KCNMA1: variants seen among roughly 807,000 people sequenced by gnomAD.
The protein encoded by KCNMA1 is Calcium-activated potassium channel subunit alpha-1.
KCNMA1 carries 29 observed loss-of-function variants against 140.0 expected under a neutral mutation model. The observed-to-expected ratio is 0.21, with a 90% CI of 0.15 to 0.28. The LOEUF is 0.28. Ranked by LOEUF, KCNMA1 falls within the 10% of genes least tolerant of loss-of-function variation. The probability of loss-of-function intolerance (pLI) is 1.00; values close to 1 mark genes in which losing one functional copy is unlikely to be tolerated. For synonymous variants in KCNMA1, 612 were observed against 611.9 expected, an observed-to-expected ratio of 1.00 and a Z score of 0.00; for missense variants, 880 against 1,602.2, an observed-to-expected ratio of 0.55 and a Z score of 7.70.
chr10:77,158,266 T>C (rs1564884215), intron 5 of KCNMA1, among the ~76,000 whole-genome samples: 1 of 152,196 alleles, frequency 6.6e-6, no homozygotes, highest in Non-Finnish European at 1.5e-5. Context: ...GACCTAGTCA[T>C]TGGCTCAAGA....
chr10:77,102,928 T>G (rs946883576), intron 9 of KCNMA1, among the ~76,000 whole-genome samples: 4 of 152,166 alleles, frequency 2.6e-5, no homozygotes, highest in African/African-American at 9.7e-5. Context: ...GGGTAGTTTG[T>G]TCGCCAATGA....
chr10:76,887,557 G>A (rs2037666770), intron 27 of KCNMA1, 42 bp from the exon 28 acceptor site: 1 of 1,611,760 alleles, frequency 6.2e-7, no homozygotes, highest in Non-Finnish European at 8.5e-7. Flanking sequence ...GAGAGTAACT[G>A]AGTAAAGAAT....
rs568899967 is a variant in KCNMA1 at position 76,996,505 on chromosome 10, A to G, written c.2266+4902T>C. On this transcript the variant is annotated intron_variant, in intron 19 of 27. Transcript: ENST00000286628. ...TTTTTACTTCCTGCAATGAAGTACAAAGGGTCAAATCAAGACGCATGGGCC... is the reference window on the plus strand; with the variant it reads ...TTTTTACTTCCTGCAATGAAGTACAGAGGGTCAAATCAAGACGCATGGGCC... Among the ~76,000 whole-genome samples, 7 of 152,304 alleles carry G rather than the reference A, an allele frequency of 4.6e-5. No homozygotes were observed. In the South Asian group the frequency reaches 1.5e-3, roughly 32 times the overall value.
chr10:77,022,881 T>C (rs375161737), intron 16 of KCNMA1: 71 of 447,198 alleles, frequency 1.6e-4, no homozygotes, highest in African/African-American at 1.3e-3. Context: ...TCTAGCAATC[T>C]CTCAGATGTG....
chr10:77,076,048 G>A (rs1017091343), intron 13 of KCNMA1, among the ~76,000 whole-genome samples: 1 of 152,170 alleles, frequency 6.6e-6, no homozygotes, highest in Non-Finnish European at 1.5e-5. Context: ...AAAACCAGGA[G>A]AGATGGATTT....
chr10:77,573,248 A>C (rs1225856033), intron 1 of KCNMA1, among the ~76,000 whole-genome samples: 1 of 152,150 alleles, frequency 6.6e-6, no homozygotes, highest in Non-Finnish European at 1.5e-5. Flanking sequence ...AGGAGCATGA[A>C]ACAGTTGATG....
At chr10:77,088,412 A>G (rs185505835) in intron 10 of KCNMA1, among the ~76,000 whole-genome samples, 296 of 152,236 alleles carry the variant, frequency 1.9e-3, no homozygotes, top group Non-Finnish European at 2.7e-3. Flanking sequence ...CTAGCAATGG[A>G]AGCATGAGCA....
chr10:77,226,223 C>A (rs181167769), intron 3 of KCNMA1, among the ~76,000 whole-genome samples: 17 of 152,206 alleles, frequency 1.1e-4, no homozygotes. Context: ...TGGGAGGGTT[C>A]TTGCCCTTGC....
chr10:77,605,336 C>T (rs2154566996), intron 1 of KCNMA1, among the ~76,000 whole-genome samples: 1 of 152,356 alleles, frequency 6.6e-6, no homozygotes, highest in Non-Finnish European at 1.5e-5. Flanking sequence ...AGAGATGCTT[C>T]ATCTTTCCTG....
intron 2 of KCNMA1, among the ~76,000 whole-genome samples, chr10:77,291,734 G>C (rs2073330497): frequency 6.6e-6 from 1 of 152,188 alleles, no homozygotes; most frequent in African/African-American, 2.4e-5. Context: ...CCAGCGTCTG[G>C]GGGAAAAGGA....
intron 2 of KCNMA1, among the ~76,000 whole-genome samples, chr10:77,403,330 G>A (rs147527331): frequency 6.6e-6 from 1 of 152,158 alleles, no homozygotes. Context: ...GTGGGCTACT[G>A]ATGCATCCAC....
intron 2 of KCNMA1, among the ~76,000 whole-genome samples, chr10:77,371,545 G>A (rs1042279585): frequency 3.3e-5 from 5 of 152,176 alleles, no homozygotes; most frequent in African/African-American, 1.2e-4. Flanking sequence ...GACTTCTTTT[G>A]ACAAATTACA....
intron 5 of KCNMA1, among the ~76,000 whole-genome samples, chr10:77,123,215 A>AAAAAAT (rs2097662227): frequency 2.9e-5 from 4 of 138,632 alleles, no homozygotes; most frequent in East Asian, 2.6e-4. Context: ...AAAAAAAAAA[A>AAAAAAT]GTGTTAAACA....
At chr10:77,330,891 A>G (rs1215647460) in intron 2 of KCNMA1, among the ~76,000 whole-genome samples, 1 of 152,212 alleles carries the variant, frequency 6.6e-6, no homozygotes, top group Non-Finnish European at 1.5e-5. Context: ...TTTTCCATTC[A>G]GGATGCTGGG....
chr10:76,880,470 T>C (rs989657183), downstream of KCNMA1, among the ~76,000 whole-genome samples: 6 of 152,038 alleles, frequency 3.9e-5, no homozygotes, highest in African/African-American at 1.5e-4. Flanking sequence ...TATAAATGTG[T>C]GTGTTTTTGG....
intron 5 of KCNMA1, among the ~76,000 whole-genome samples, chr10:77,170,912 G>A (rs1316882830): frequency 6.6e-6 from 1 of 152,140 alleles, no homozygotes; most frequent in African/African-American, 2.4e-5. Context: ...GAATATCATA[G>A]GATGAGTATA....
At chr10:77,147,269 A>T (rs1483149015) in intron 5 of KCNMA1, among the ~76,000 whole-genome samples, 5 of 152,208 alleles carry the variant, frequency 3.3e-5, no homozygotes, top group African/African-American at 1.2e-4. Context: ...TTCTTCACGC[A>T]CTTACTCTTA....
intron 2 of KCNMA1, among the ~76,000 whole-genome samples, chr10:77,287,122 A>G (rs1202621309): frequency 6.6e-6 from 1 of 152,214 alleles, no homozygotes; most frequent in East Asian, 1.9e-4. Flanking sequence ...AAACTCATTC[A>G]GCCACAAACC....
intron 2 of KCNMA1, among the ~76,000 whole-genome samples, chr10:77,323,698 G>C (rs372240564): frequency 1.6e-4 from 25 of 152,324 alleles, no homozygotes; most frequent in African/African-American, 6.0e-4. Context: ...CATTGTATAT[G>C]AGATGTATTT....
Sources: allele counts gnomAD v4.1 joint callset (sites outside exome capture counted in the v4.1 genomes callset), GRCh38; gene constraint gnomAD v4.1.1; transcripts MANE v1.5; gene names NCBI Gene and HGNC (gene_info 2026-07-23, HGNC 2026-07-21).